Variants in TGFBR3 observed in about 807,000 individuals in gnomAD.
TGFBR3 encodes transforming growth factor beta receptor 3.
A neutral mutation model predicts 87.9 loss-of-function variants in TGFBR3; 46 were observed. The ratio of observed to expected loss-of-function variants is 0.52; its 90% CI spans 0.41 to 0.67. The LOEUF is 0.67. Ranked by LOEUF, TGFBR3 falls within the 30% of genes least tolerant of loss-of-function variation. The pLI, the probability that TGFBR3 is intolerant of heterozygous loss-of-function variation, is 0.00. For synonymous variants in TGFBR3, 381 were observed against 391.6 expected (o/e 0.97, Z 0.32); for missense variants, 866 against 1,041.9 (o/e 0.83, Z 2.32).
chr1:91,787,539 GACTGTAGTTCC>G (rs998348793), intron 3 of TGFBR3, among the ~76,000 whole-genome samples: 3 of 152,202 alleles, frequency 2.0e-5, no homozygotes, highest in African/African-American at 4.8e-5. Flanking sequence ...TCAGCCATCT[GACTGTAGTTCC>G]ACTGGAGAAG....
intron 3 of TGFBR3, among the ~76,000 whole-genome samples, chr1:91,764,335 A>AAC (rs1674090288): frequency 6.7e-6 from 1 of 150,130 alleles, no homozygotes; most frequent in Non-Finnish European, 1.5e-5. Flanking sequence ...AAAAAAAAAA[A>AAC]AAAACCTAAA....
intron 2 of TGFBR3, among the ~76,000 whole-genome samples, chr1:91,840,477 T>C (rs1677229811): frequency 6.9e-6 from 1 of 144,806 alleles, no homozygotes; most frequent in South Asian, 2.3e-4. Context: ...GATTTTGTAA[T>C]ATCATGCATG....
At chr1:91,695,829 A>G in intron 15 of TGFBR3, 50 bp from the exon 16 acceptor site, 1 of 1,401,686 alleles carries the variant, frequency 7.1e-7, no homozygotes, top group Non-Finnish European at 1.0e-6. Context: ...AGTCTGCATC[A>G]TGCATTGCAA....
chr1:91,782,415 C>T (rs532844522), intron 3 of TGFBR3, among the ~76,000 whole-genome samples: 3 of 152,316 alleles, frequency 2.0e-5, no homozygotes, highest in East Asian at 1.9e-4. Context: ...ATGTGCCCAA[C>T]ACGGAATCAT....
chr1:91,808,740 G>C lies in TGFBR3; in HGVS notation c.62-11269C>G, dbSNP rs2492090. On this transcript the variant is annotated intron_variant, in intron 2 of 16. Coordinates refer to ENST00000212355, the MANE Select transcript of TGFBR3 (RefSeq NM_003243.5). ...CTCTGCCTCAGCCTCCCAGAGTACT[G>C]GAAGTGAGTCACCACACCGAGCACT... 6.3e-3 allele frequency among the ~76,000 whole-genome samples: 966 copies of C among 152,244 alleles called. 7 individuals carry two copies. The highest frequency in any genetic ancestry group is 0.022 in the African/African-American group (920 of 41,556).
At chr1:91,892,051 TAAA>T (rs1056415819) in intron 2 of TGFBR3, among the ~76,000 whole-genome samples, 2 of 152,208 alleles carry the variant, frequency 1.3e-5, no homozygotes, top group Admixed American at 1.3e-4. Context: ...ATTTTGGACA[TAAA>T]AATCCAAAGC....
chr1:91,712,406 A>G lies in TGFBR3; in HGVS notation c.2003T>C (p.Phe668Ser). Residue 668 changes from phenylalanine (F) to serine (S), a missense_variant, in exon 13 of 17, where the codon TTC becomes TCC. Phe to Ser is a radical substitution (Grantham distance 155, BLOSUM62 -2). Transcript: ENST00000212355. ...NICPKDESVK[F>S]YSPKRVHFPI... ...AAAGTGCACTCTCTTGGGACTGTAG[A>G]ATTTCACAGATTCATCTTTAGGACA... 6.2e-7 allele frequency: 1 copy of G among 1,614,206 alleles called. No homozygotes were observed. The highest frequency in any genetic ancestry group is 2.2e-5 in the East Asian group (1 of 44,882).
intron 4 of TGFBR3, among the ~76,000 whole-genome samples, chr1:91,745,651 T>A (rs560857171): frequency 1.8e-4 from 28 of 152,198 alleles, no homozygotes; most frequent in Non-Finnish European, 3.5e-4. Context: ...AAGAGGAAAA[T>A]CACACGTTCT....
chr1:91,681,714 C>G lies in TGFBR3; in HGVS notation c.*2025G>C. The G allele has an allele frequency of 2.3e-6, 1 of 433,656 alleles. No homozygotes were observed. Among genetic ancestry groups the G allele is most frequent in the Non-Finnish European group, 4.5e-6 (1 of 221,202 alleles). The allele number at this position is 433,656 out of a possible 1,614,324, so 26.9% of individuals were successfully genotyped here. ...TAAAACACTTAAATATATCTTTATA[C>G]ACAAATTTTGTAGTAAAATATAGCT... On this transcript the variant is annotated 3_prime_UTR_variant, in exon 17 of 17. Coordinates refer to ENST00000212355, the MANE Select transcript of TGFBR3 (RefSeq NM_003243.5).
In TGFBR3 at chr1:91,722,091, G is replaced by T. The variant is rs768505076; in HGVS notation, c.939C>A (p.Thr313=). The change falls in exon 8 of 17, where the codon ACC becomes ACA. Residue 313 remains threonine, a synonymous_variant. Transcript: ENST00000212355. ...GKESERSMTM[T]KSIRDDIPST... ...AAGGAATGTCATCTCTTATTGATTT[G>T]GTCATTGTCATAGATCTTTCACTCT... The T allele has an allele frequency of 1.2e-6, 2 of 1,613,738 alleles. No homozygotes were observed. The highest frequency in any genetic ancestry group is 3.3e-5 in the Admixed American group (2 of 60,004).
At chr1:91,903,604 G>A (rs776965299) in intron 1 of TGFBR3, among the ~76,000 whole-genome samples, 8 of 151,800 alleles carry the variant, frequency 5.3e-5, no homozygotes, top group South Asian at 2.1e-4. Flanking sequence ...AAAATTAGCC[G>A]GGCATGGTAG....
intron 5 of TGFBR3, 40 bp downstream of exon 5, chr1:91,734,736 G>A: frequency 6.2e-7 from 1 of 1,605,246 alleles, no homozygotes; most frequent in Non-Finnish European, 8.5e-7. Flanking sequence ...ACAATTGCCT[G>A]TCATAAATCA....
Position 91,721,980 on chromosome 1 carries a change from T to A in TGFBR3, c.1050A>T (p.Arg350Ser), listed in dbSNP as rs1557676540. ...CATTATTTTCAAGCCGAAGATGAAA[T>A]CTATTAGCCACAGGAGCCATTGTGT... ...TSYTMAPVAN[R>S]FHLRLENNAE... Residue 350 changes from arginine (R) to serine (S), a missense_variant, in exon 8 of 17, where the codon AGA becomes AGT. By Grantham distance (110) the Arg-to-Ser change is moderately radical. Transcript: ENST00000212355. 1 of 1,613,076 alleles carries A rather than the reference T, an allele frequency of 6.2e-7. No individual in the cohort carries two copies. The highest frequency in any genetic ancestry group is 2.2e-5 in the East Asian group (1 of 44,804).
chr1:91,708,881 G>A (rs1671888377), intron 13 of TGFBR3, 98 bp from the exon 14 acceptor site: 3 of 1,514,656 alleles, frequency 2.0e-6, no homozygotes, highest in Admixed American at 1.9e-5. Context: ...TTATCAGACA[G>A]CACACAGCTG....
chr1:91,727,896 TCTGG>T, intron 6 of TGFBR3, 90 bp from the exon 7 acceptor site: 1 of 1,499,724 alleles, frequency 6.7e-7, no homozygotes, highest in Non-Finnish European at 9.2e-7. Context: ...GTTTCTAGTG[TCTGG>T]CCAGTTGATT....
intron 2 of TGFBR3, among the ~76,000 whole-genome samples, chr1:91,801,986 T>C (rs1412991108): frequency 6.6e-6 from 1 of 152,172 alleles, no homozygotes; most frequent in African/African-American, 2.4e-5. Flanking sequence ...GGACAAAAAG[T>C]CCCTGTGAAA....
At chr1:91,879,807 T>A (rs946098516) in intron 1 of TGFBR3, among the ~76,000 whole-genome samples, 1 of 152,158 alleles carries the variant, frequency 6.6e-6, no homozygotes, top group Non-Finnish European at 1.5e-5. Context: ...TCAAAAGATA[T>A]AAAATAAGAA....
At chr1:91,729,675 G>C (rs891766871) in intron 6 of TGFBR3, 130 bp downstream of exon 6, 10 of 1,054,812 alleles carry the variant, frequency 9.5e-6, no homozygotes, top group Non-Finnish European at 1.5e-5. Flanking sequence ...CCTCCTGCGT[G>C]AAGCATCAAT....
rs1178294580 is a variant in TGFBR3 at position 91,698,092 on chromosome 1, G to T, written c.2326C>A (p.Pro776Thr). The T allele has an allele frequency of 2.5e-6, 4 of 1,613,730 alleles. No homozygotes were observed. Among genetic ancestry groups the T allele is most frequent in the African/African-American group, 2.7e-5 (2 of 74,896 alleles). Reference sequence around the variant, plus strand: ...AAATAGTTGCATAAAGACTTACGTGGAGAAATTGGATTTGGTTCCTTCATG... The same window carrying T: ...AAATAGTTGCATAAAGACTTACGTGTAGAAATTGGATTTGGTTCCTTCATG... ...PSMKEPNPIS[P>T]PIFHGLDTLT... Residue 776 changes from proline (P) to threonine (T), a missense_variant, in exon 15 of 17, where the codon CCA (proline) becomes ACA (threonine). By Grantham distance (38) the Pro-to-Thr change is conservative. Transcript: ENST00000212355.
Sources: allele counts gnomAD v4.1 joint callset (sites outside exome capture counted in the v4.1 genomes callset), GRCh38; gene constraint gnomAD v4.1.1; transcripts MANE v1.5; gene names NCBI Gene and HGNC (gene_info 2026-07-23, HGNC 2026-07-21).